Variants in CNTNAP5 observed in about 807,000 individuals in gnomAD.
CNTNAP5 encodes the protein contactin-associated protein-like 5.
CNTNAP5 carries 72 observed loss-of-function variants against 150.2 expected under a neutral mutation model. That is an observed-to-expected ratio of 0.48 (90% CI 0.40 to 0.58). The LOEUF (loss-of-function observed/expected upper bound fraction) is 0.58. CNTNAP5 is among the 20% of genes least tolerant of loss of function. The pLI is 0.00. For missense variants in CNTNAP5, 1,636 were observed against 1,626.2 expected (o/e 1.01, Z -0.10); for synonymous variants, 672 against 619.8 (o/e 1.08, Z -1.25).
intron 7 of CNTNAP5, among the ~76,000 whole-genome samples, chr2:124,503,989 T>C (rs899761861): frequency 6.6e-6 from 1 of 152,222 alleles, no homozygotes; most frequent in Non-Finnish European, 1.5e-5. Context: ...TAGGTATTTA[T>C]ATAATGAGTA....
At chr2:124,734,781 A>G (rs542145205) in intron 13 of CNTNAP5, among the ~76,000 whole-genome samples, 1 of 152,302 alleles carries the variant, frequency 6.6e-6, no homozygotes, top group East Asian at 1.9e-4. Context: ...TGGTAAGAGT[A>G]AAACCTAAAA....
intron 11 of CNTNAP5, among the ~76,000 whole-genome samples, chr2:124,574,957 C>A (rs1424119912): frequency 6.6e-6 from 1 of 152,226 alleles, no homozygotes; most frequent in Non-Finnish European, 1.5e-5. Context: ...ATAATAGAAT[C>A]TGCCCCTCAG....
chr2:124,822,138 G>A (rs939931375), intron 19 of CNTNAP5, among the ~76,000 whole-genome samples: 2 of 152,056 alleles, frequency 1.3e-5, no homozygotes, highest in African/African-American at 4.8e-5. Flanking sequence ...ACCCCTGAAT[G>A]ATCCTTGGTT....
At chr2:124,822,102 T>A (rs1426618012) in intron 19 of CNTNAP5, among the ~76,000 whole-genome samples, 1 of 151,750 alleles carries the variant, frequency 6.6e-6, no homozygotes, top group Non-Finnish European at 1.5e-5. Flanking sequence ...CAACTGACTG[T>A]CTGCTTGACT....
intron 7 of CNTNAP5, among the ~76,000 whole-genome samples, chr2:124,490,200 G>A (rs761573662): frequency 6.6e-6 from 1 of 152,016 alleles, no homozygotes; most frequent in African/African-American, 2.4e-5. Context: ...CAGGCATGGT[G>A]GTGTACACCT....
At chr2:124,765,631 A>G (rs1342631474) in intron 16 of CNTNAP5, among the ~76,000 whole-genome samples, 2 of 152,306 alleles carry the variant, frequency 1.3e-5, no homozygotes, top group East Asian at 3.9e-4. Flanking sequence ...GTAGTGTCAT[A>G]CAAACAAAAT....
intron 13 of CNTNAP5, among the ~76,000 whole-genome samples, chr2:124,650,004 G>A (rs534360991): frequency 1.3e-5 from 2 of 152,116 alleles, no homozygotes; most frequent in Non-Finnish European, 2.9e-5. Context: ...AAAACTCAAC[G>A]TAGATAATCT....
At chr2:124,072,222 C>A (rs1446130273) in intron 1 of CNTNAP5, among the ~76,000 whole-genome samples, 1 of 151,600 alleles carries the variant, frequency 6.6e-6, no homozygotes, top group Non-Finnish European at 1.5e-5. Flanking sequence ...AAGAACATAC[C>A]TCAACATAAT....
Position 124,485,936 on chromosome 2 carries a change from T to A in CNTNAP5, c.1062+11054T>A, listed in dbSNP as rs1443999271. 3.9e-5 allele frequency among the ~76,000 whole-genome samples: 6 copies of A among 152,180 alleles called. No homozygotes were observed. In the South Asian group the frequency reaches 1.2e-3, roughly 31 times the overall value. Reference sequence around the variant, plus strand: ...GGGTCCAACTCCGCTACCGTTTGATTGAGCAATTTCACTACTAGGTGTCTA... The same window carrying A: ...GGGTCCAACTCCGCTACCGTTTGATAGAGCAATTTCACTACTAGGTGTCTA... On this transcript the variant is annotated intron_variant, in intron 7 of 23. Coordinates refer to ENST00000682447, the MANE Select transcript of CNTNAP5 (RefSeq NM_001367498.1).
intron 13 of CNTNAP5, among the ~76,000 whole-genome samples, chr2:124,698,103 A>G (rs1334371151): frequency 6.6e-6 from 1 of 152,100 alleles, no homozygotes; most frequent in Admixed American, 6.6e-5. Context: ...TATAATACAG[A>G]AAGATTATAA....
chr2:124,171,042 T>G lies in CNTNAP5; in HGVS notation c.83-50663T>G, dbSNP rs188524611. On this transcript the variant is annotated intron_variant, in intron 1 of 23. Coordinates refer to ENST00000682447, the MANE Select transcript of CNTNAP5 (RefSeq NM_001367498.1). Reference sequence around the variant, plus strand: ...CTGCCATGTAGGTTGATTTTATTTTTTATTCATTTCTAAGTTGCTGAGAAC... The same window carrying G: ...CTGCCATGTAGGTTGATTTTATTTTGTATTCATTTCTAAGTTGCTGAGAAC... Among the ~76,000 whole-genome samples the G allele has an allele frequency of 1.1e-4, 17 of 152,322 alleles. No homozygotes were observed. In the East Asian group the frequency reaches 3.3e-3, roughly 29 times the overall value.
chr2:124,791,693 CTTTTTTTTT>C (rs538796535), intron 18 of CNTNAP5, among the ~76,000 whole-genome samples: 3 of 115,390 alleles, frequency 2.6e-5, no homozygotes, highest in African/African-American at 9.7e-5. Flanking sequence ...AGCCTAATTT[CTTTTTTTTT>C]TTTTTTTTTT....
At chr2:124,494,241 G>A (rs1223928184) in intron 7 of CNTNAP5, among the ~76,000 whole-genome samples, 2 of 152,016 alleles carry the variant, frequency 1.3e-5, no homozygotes, top group African/African-American at 2.4e-5. Context: ...GAGAACCAGG[G>A]AAGCCAATAG....
intron 11 of CNTNAP5, among the ~76,000 whole-genome samples, chr2:124,574,126 T>C (rs1010908185): frequency 1.3e-5 from 2 of 152,272 alleles, no homozygotes; most frequent in Middle Eastern, 3.4e-3. Flanking sequence ...GGTTTTGGCA[T>C]AGGTGTTGCC....
chr2:124,563,303 C>G lies in CNTNAP5; in HGVS notation c.1736C>G (p.Thr579Ser). ...FYCNCSDTSY[T>S]GATCHNSIYE... ...TGTAACTGCAGTGACACAAGTTACA[C>G]TGGTGCCACCTGCCACAACTGTGAG... Residue 579 changes from threonine (T) to serine (S), a missense_variant, in exon 11 of 24, where the codon ACT becomes AGT. Coordinates refer to ENST00000682447, the MANE Select transcript of CNTNAP5 (RefSeq NM_001367498.1). 11 of 1,559,900 alleles carry G rather than the reference C, an allele frequency of 7.1e-6. No individual in the cohort carries two copies. The highest frequency in any genetic ancestry group is 1.9e-5 in the Admixed American group (1 of 52,052).
At chr2:124,104,607 T>A (rs957962477) in intron 1 of CNTNAP5, among the ~76,000 whole-genome samples, 4 of 152,214 alleles carry the variant, frequency 2.6e-5, no homozygotes, top group Non-Finnish European at 5.9e-5. Flanking sequence ...TTTAGTCCTA[T>A]ATCGTATAGT....
At chr2:124,702,816 A>G (rs1394145127) in intron 13 of CNTNAP5, among the ~76,000 whole-genome samples, 1 of 152,136 alleles carries the variant, frequency 6.6e-6, no homozygotes, top group Non-Finnish European at 1.5e-5. Context: ...AGGTAGGGAC[A>G]CAGTTAAAGG....
rs182832212 is a variant in CNTNAP5 at position 124,802,036 on chromosome 2, G to T, written c.3217+3716G>T. Among the ~76,000 whole-genome samples, 115 of 152,230 alleles carry T rather than the reference G, an allele frequency of 7.6e-4. 1 individual carries two copies. The highest frequency in any genetic ancestry group is 2.6e-3 in the African/African-American group (107 of 41,532). On this transcript the variant is annotated intron_variant, in intron 19 of 23. Coordinates refer to ENST00000682447, the MANE Select transcript of CNTNAP5 (RefSeq NM_001367498.1). Reference sequence around the variant, plus strand: ...AACCTTTGTGACTGAAGATAGCCTTGGGAATCTGGTGGAAATTATAAGAGG... The same window carrying T: ...AACCTTTGTGACTGAAGATAGCCTTTGGAATCTGGTGGAAATTATAAGAGG...
intron 20 of CNTNAP5, among the ~76,000 whole-genome samples, chr2:124,869,110 C>A (rs142945735): frequency 1.3e-5 from 2 of 152,158 alleles, no homozygotes; most frequent in Non-Finnish European, 2.9e-5. Flanking sequence ...GATTATCAAT[C>A]GTCCATGTTG....
Sources: gnomAD v4.1 joint callset for allele counts (sites outside exome capture counted in the v4.1 genomes callset) on GRCh38, gnomAD v4.1.1 for gene constraint, MANE v1.5 for transcripts, NCBI Gene and HGNC (gene_info 2026-07-23, HGNC 2026-07-21) for gene names.